EBF1: variants seen among roughly 807,000 people sequenced by gnomAD.
The protein encoded by EBF1 is EBF transcription factor 1, also known as transcription factor COE1.
EBF1 carries 10 observed loss-of-function variants against 68.4 expected under a neutral mutation model. The ratio of observed to expected loss-of-function variants is 0.15; its 90% confidence interval spans 0.09 to 0.25. The LOEUF (loss-of-function observed/expected upper bound fraction) is 0.25. Among genes scored for constraint, EBF1 ranks in the 10% least tolerant of loss-of-function variants. The probability of loss-of-function intolerance (pLI) is 1.00; values close to 1 mark genes in which losing one functional copy is unlikely to be tolerated. For synonymous variants in EBF1, 298 were observed against 299.8 expected (o/e 0.99, Z 0.06); for missense variants, 509 against 794.4 (o/e 0.64, Z 4.32).
Position 158,805,349 on chromosome 5 carries a change from T to G in EBF1, c.779-8874A>C, listed in dbSNP as rs370650143. On this transcript the variant is annotated intron_variant, in intron 8 of 15. Transcript: ENST00000313708. ...TCGTATTTTTAACAGGCCTTGAATG[T>G]GTGTGCCGGATTATCCAGATGGCCA... is the stretch of plus-strand genomic sequence containing the variant. 1.4e-4 allele frequency among the ~76,000 whole-genome samples: 21 copies of G among 152,210 alleles called. No individual in the cohort carries two copies. In the South Asian group the frequency reaches 4.2e-3, roughly 30 times the overall value.
chr5:158,866,837 A>G (rs1470443766), intron 6 of EBF1, among the ~76,000 whole-genome samples: 16 of 838 alleles, frequency 0.019, no homozygotes, highest in South Asian at 0.1. Flanking sequence ...GTATATGTAT[A>G]TATATATATA....
intron 7 of EBF1, among the ~76,000 whole-genome samples, chr5:158,825,492 GA>G (rs33959428): frequency 1.8e-4 from 26 of 147,388 alleles, no homozygotes; most frequent in Non-Finnish European, 2.8e-4. Flanking sequence ...GTCTTAGGAG[GA>G]AAAAAAAAAA....
intron 6 of EBF1, among the ~76,000 whole-genome samples, chr5:158,904,053 A>T (rs920997339): frequency 3.3e-5 from 5 of 152,048 alleles, no homozygotes; most frequent in African/African-American, 4.8e-5. Flanking sequence ...GAGCTGCAAA[A>T]CCAAACCCAA....
chr5:158,810,326 G>A (rs1047636141), intron 8 of EBF1, among the ~76,000 whole-genome samples: 2 of 152,156 alleles, frequency 1.3e-5, no homozygotes, highest in African/African-American at 4.8e-5. Context: ...CTCCAGCTAT[G>A]TTCAAAAGAG....
chr5:158,833,729 G>A (rs747877390), intron 7 of EBF1, among the ~76,000 whole-genome samples: 10 of 152,184 alleles, frequency 6.6e-5, no homozygotes, highest in East Asian at 1.9e-4. Flanking sequence ...ACACCTGCTC[G>A]TCAACCAGGA....
chr5:158,921,733 T>C (rs914064799), intron 6 of EBF1, among the ~76,000 whole-genome samples: 3 of 152,182 alleles, frequency 2.0e-5, no homozygotes, highest in African/African-American at 7.2e-5. Flanking sequence ...TTATTTTTAC[T>C]TTGCACTCCA....
chr5:159,073,681 G>A, intron 5 of EBF1: 1 of 546,344 alleles, frequency 1.8e-6, no homozygotes, highest in Non-Finnish European at 3.2e-6. Context: ...GGAGGTGGGG[G>A]AGAGGGGCTC....
intron 7 of EBF1, among the ~76,000 whole-genome samples, chr5:158,823,620 G>A (rs1168561786): frequency 6.6e-6 from 1 of 152,124 alleles, no homozygotes; most frequent in South Asian, 2.1e-4. Context: ...TTACACAAGG[G>A]TGGTTGTGTT....
intron 6 of EBF1, among the ~76,000 whole-genome samples, chr5:158,989,921 C>A (rs1326274593): frequency 6.6e-6 from 1 of 152,084 alleles, no homozygotes; most frequent in Non-Finnish European, 1.5e-5. Flanking sequence ...CAGGAACTTG[C>A]AGTCTTGGCA....
rs77235302 is a variant in EBF1 at position 158,733,706 on chromosome 5, C to G, written c.1037-2549G>C. 9.7e-3 allele frequency among the ~76,000 whole-genome samples: 1,474 copies of G among 152,232 alleles called. 12 individuals carry two copies. The highest frequency in any genetic ancestry group is 0.013 in the Non-Finnish European group (908 of 67,990). ...AAGGGCTTTTAACTTATGTCCCATGCCTTTATGATTTGCTGTCTGTTCATA... is the reference window on the plus strand; with the variant it reads ...AAGGGCTTTTAACTTATGTCCCATGGCTTTATGATTTGCTGTCTGTTCATA... On this transcript the variant is annotated intron_variant, in intron 10 of 15. Coordinates refer to ENST00000313708, the MANE Select transcript of EBF1 (RefSeq NM_024007.5).
intron 6 of EBF1, among the ~76,000 whole-genome samples, chr5:159,064,345 T>C (rs1336206026): frequency 5.3e-5 from 8 of 152,192 alleles, no homozygotes; most frequent in African/African-American, 1.4e-4. Context: ...AACAGTGTTT[T>C]TAGCTGAGCA....
Position 159,066,073 on chromosome 5 carries a change from G to C in EBF1, c.554+7323C>G, listed in dbSNP as rs73305707. 8.5e-3 allele frequency among the ~76,000 whole-genome samples: 1,298 copies of C among 152,126 alleles called. 17 individuals are homozygous for C. Among genetic ancestry groups the C allele is most frequent in the African/African-American group, 0.028 (1,171 of 41,482 alleles). On this transcript the variant is annotated intron_variant, in intron 6 of 15. Transcript: ENST00000313708. Reference sequence around the variant, plus strand: ...AGAGGCATCTATTAGATGTCACTAGGCTTTTGTATTCATGTCAATGATTCA... The same window carrying C: ...AGAGGCATCTATTAGATGTCACTAGCCTTTTGTATTCATGTCAATGATTCA...
At chr5:158,781,218 G>C (rs981999723) in intron 9 of EBF1, among the ~76,000 whole-genome samples, 16 of 152,040 alleles carry the variant, frequency 1.1e-4, no homozygotes, top group African/African-American at 3.9e-4. Flanking sequence ...TAAAACACTT[G>C]GATGAAAACC....
chr5:159,010,240 A>G (rs889966181), intron 6 of EBF1, among the ~76,000 whole-genome samples: 2 of 152,236 alleles, frequency 1.3e-5, no homozygotes, highest in African/African-American at 2.4e-5. Context: ...GAGGGTGGAC[A>G]GACACAGACA....
At chr5:158,772,831 A>G (rs1404976907) in intron 10 of EBF1, among the ~76,000 whole-genome samples, 1 of 152,190 alleles carries the variant, frequency 6.6e-6, no homozygotes, top group African/African-American at 2.4e-5. Flanking sequence ...AACTACTAGT[A>G]TCTAGCCTCA....
intron 6 of EBF1, among the ~76,000 whole-genome samples, chr5:159,004,024 C>T (rs184922868): frequency 1.5e-4 from 23 of 152,294 alleles, no homozygotes; most frequent in African/African-American, 5.1e-4. Context: ...CAGCTGAAAT[C>T]CCAGCACATT....
At chr5:159,020,491 G>T (rs895136185) in intron 6 of EBF1, among the ~76,000 whole-genome samples, 1 of 152,096 alleles carries the variant, frequency 6.6e-6, no homozygotes, top group South Asian at 2.1e-4. Context: ...TCAATCGAGC[G>T]ATGCGGACTC....
intron 6 of EBF1, among the ~76,000 whole-genome samples, chr5:158,907,550 T>C (rs926741222): frequency 2.6e-5 from 4 of 152,154 alleles, no homozygotes; most frequent in Non-Finnish European, 4.4e-5. Flanking sequence ...AAAGCAAAAC[T>C]TTCAGTTTGG....
At chr5:158,918,654 T>C (rs1370088591) in intron 6 of EBF1, among the ~76,000 whole-genome samples, 2 of 152,228 alleles carry the variant, frequency 1.3e-5, no homozygotes, top group African/African-American at 4.8e-5. Flanking sequence ...CTCATGTAAC[T>C]AAACCCACCT....
Sources: gnomAD v4.1 joint callset for allele counts (sites outside exome capture counted in the v4.1 genomes callset) on GRCh38, gnomAD v4.1.1 for gene constraint, MANE v1.5 for transcripts, NCBI Gene and HGNC (gene_info 2026-07-23, HGNC 2026-07-21) for gene names.